The following PAX5 variants were observed in gnomAD, a reference collection of about 807,000 sequenced individuals.
PAX5 encodes paired box protein Pax-5.
PAX5 carries 9 observed loss-of-function variants against 43.7 expected under a neutral mutation model. The observed-to-expected ratio is 0.21, with a 90% CI of 0.12 to 0.36. The LOEUF (loss-of-function observed/expected upper bound fraction) is 0.36, where lower values mean the gene tolerates loss of function less well. Ranked by LOEUF, PAX5 falls within the 10% of genes least tolerant of loss-of-function variation. The pLI is 1.00. For missense variants in PAX5, 383 were observed against 532.7 expected (o/e 0.72, Z 2.77); for synonymous variants, 228 against 214.3 (o/e 1.06, Z -0.56).
rs374281473 is a variant in PAX5 at position 36,896,366 on chromosome 9, C to T, written c.911-14261G>A. Among the ~76,000 whole-genome samples, 14 of 151,924 alleles carry T rather than the reference C, an allele frequency of 9.2e-5. No homozygotes were observed. The South Asian group carries it at 2.5e-3, about 27-fold the overall frequency. On this transcript the variant is annotated intron_variant, in intron 7 of 9. Transcript: ENST00000358127. The stretch of plus-strand genomic sequence containing the variant: ...TGATATTTTGTAACGCCAGCTCCTA[C>T]ACCTCCAATTATTTCCTCAAACCAA...
intron 8 of PAX5, among the ~76,000 whole-genome samples, chr9:36,869,930 GGATGGATA>G (rs1825297901): frequency 2.1e-5 from 3 of 143,138 alleles, no homozygotes; most frequent in Non-Finnish European, 3.0e-5. Context: ...ATGGATGGAT[GGATGGATA>G]AATGGATGGA....
intron 9 of PAX5, among the ~76,000 whole-genome samples, chr9:36,842,776 G>C (rs62533248): frequency 0.14 from 20,609 of 152,062 alleles, 1,481 homozygotes; most frequent in South Asian, 0.17. Context: ...TCTTCCTGCC[G>C]GGACCGCAGC....
At chr9:36,905,251 G>A (rs556520834) in intron 7 of PAX5, among the ~76,000 whole-genome samples, 5 of 152,330 alleles carry the variant, frequency 3.3e-5, no homozygotes, top group South Asian at 2.1e-4. Flanking sequence ...CAAGGTGGCC[G>A]GCTCTCCATG....
chr9:36,850,088 C>T (rs932829653), intron 8 of PAX5, among the ~76,000 whole-genome samples: 14 of 152,284 alleles, frequency 9.2e-5, no homozygotes, highest in East Asian at 1.9e-4. Context: ...CAGAGAGAGG[C>T]GGGCATTCCA....
chr9:37,013,118 T>A (rs1341616830), intron 3 of PAX5, among the ~76,000 whole-genome samples: 1 of 151,872 alleles, frequency 6.6e-6, no homozygotes, highest in Non-Finnish European at 1.5e-5. Context: ...AATATAGAGA[T>A]TTCACATACA....
chr9:36,991,274 C>G (rs1836915854), intron 5 of PAX5, among the ~76,000 whole-genome samples: 1 of 152,118 alleles, frequency 6.6e-6, no homozygotes, highest in Non-Finnish European at 1.5e-5. Flanking sequence ...GTGACCTACC[C>G]AAGGTCACAT....
chr9:36,995,597 G>C (rs111894509), intron 5 of PAX5, among the ~76,000 whole-genome samples: 2 of 152,292 alleles, frequency 1.3e-5, no homozygotes, highest in Admixed American at 1.3e-4. Flanking sequence ...TTATCACATC[G>C]AAAGGCAAGG....
chr9:36,855,909 G>A (rs1004841786), intron 8 of PAX5, among the ~76,000 whole-genome samples: 1 of 152,168 alleles, frequency 6.6e-6, no homozygotes, highest in African/African-American at 2.4e-5. Flanking sequence ...ACCTCCTCCA[G>A]GAAGGCTTTC....
rs1822615506 is a variant in PAX5 at position 36,846,740 on chromosome 9, C to A, written c.1099+103G>T. ...GTCTGGGCAAGCTACCCACCCACCT[C>A]AGTGACCAGACCTCAGGATGTCGAG... On this transcript the variant is annotated intron_variant, in intron 9 of 9. Coordinates refer to ENST00000358127, the MANE Select transcript of PAX5 (RefSeq NM_016734.3). 4.0e-6 allele frequency: 3 copies of A among 746,952 alleles called. No homozygotes were observed. The Admixed American group carries it at 7.3e-5, about 18-fold the overall frequency. 46.3% of individuals were successfully genotyped at this position (746,952 alleles called of 1,614,324 possible). A position where few individuals can be genotyped will look rare whatever the true frequency, so the allele number is the denominator to read the frequency against.
chr9:36,911,523 C>T (rs1374064641), intron 7 of PAX5, among the ~76,000 whole-genome samples: 2 of 152,140 alleles, frequency 1.3e-5, no homozygotes, highest in Non-Finnish European at 2.9e-5. Flanking sequence ...GCCCCGTGGC[C>T]GACACTCAGT....
chr9:37,009,898 A>G (rs1403372572), intron 3 of PAX5, among the ~76,000 whole-genome samples: 1 of 152,112 alleles, frequency 6.6e-6, no homozygotes, highest in Admixed American at 6.6e-5. Context: ...GAAGGTAGCC[A>G]CTCTCACACT....
intron 6 of PAX5, among the ~76,000 whole-genome samples, chr9:36,937,649 C>T (rs12000907): frequency 1.1e-3 from 162 of 152,306 alleles, no homozygotes; most frequent in African/African-American, 3.2e-3. Flanking sequence ...ATGCTTTCCC[C>T]GCCGGGCGCC....
Position 36,882,386 on chromosome 9 carries a change from C to T in PAX5, c.911-281G>A, listed in dbSNP as rs1826521881. On this transcript the variant is annotated intron_variant, in intron 7 of 9. Transcript: ENST00000358127. The surrounding 1 kb of genome is among the most constrained non-coding windows in gnomAD (Gnocchi z 4.4). ...GTTCCTGGGAAATCAGAACCCCCTG[C>T]TTGGGGAGGCTAGGCAATGCAGGTG... 1.3e-5 allele frequency among the ~76,000 whole-genome samples: 2 copies of T among 152,146 alleles called. No homozygotes were observed. The highest frequency in any genetic ancestry group is 1.3e-4 in the Admixed American group (2 of 15,276).
chr9:37,026,666 C>G, intron 1 of PAX5: 1 of 1,343,236 alleles, frequency 7.4e-7, no homozygotes, highest in Non-Finnish European at 9.8e-7. Context: ...GCCACCAGGC[C>G]AGGCACTGTG....
At chr9:36,963,973 G>T (rs1250862135) in intron 6 of PAX5, among the ~76,000 whole-genome samples, 1 of 152,172 alleles carries the variant, frequency 6.6e-6, no homozygotes, top group Non-Finnish European at 1.5e-5. Flanking sequence ...ACATGATCTT[G>T]TCAGCCATTA....
chr9:37,013,897 A>G (rs542080724), intron 3 of PAX5, among the ~76,000 whole-genome samples: 6 of 152,344 alleles, frequency 3.9e-5, no homozygotes, highest in Non-Finnish European at 7.4e-5. Flanking sequence ...GTGCATTTGA[A>G]TCATCACAGA....
At chr9:36,901,228 C>A (rs997851620) in intron 7 of PAX5, among the ~76,000 whole-genome samples, 5 of 150,282 alleles carry the variant, frequency 3.3e-5, no homozygotes, top group Non-Finnish European at 7.4e-5. Context: ...GGGACCTGGG[C>A]CCTCCCTCAT....
At chr9:36,896,934 C>A (rs1335190650) in intron 7 of PAX5, among the ~76,000 whole-genome samples, 2 of 152,316 alleles carry the variant, frequency 1.3e-5, no homozygotes, top group East Asian at 1.9e-4. Flanking sequence ...AAGGGTCCTG[C>A]GCAAGCTCTC....
At chr9:36,999,198 C>T (rs1837644845) in intron 5 of PAX5, among the ~76,000 whole-genome samples, 1 of 152,190 alleles carries the variant, frequency 6.6e-6, no homozygotes, top group South Asian at 2.1e-4. Context: ...CAAATCCTGC[C>T]GTGCTGGTCC....
Sources: allele counts gnomAD v4.1 joint callset (sites outside exome capture counted in the v4.1 genomes callset), GRCh38; gene constraint gnomAD v4.1.1; non-coding constraint Gnocchi (gnomAD v3.1); transcripts MANE v1.5; gene names NCBI Gene and HGNC (gene_info 2026-07-23, HGNC 2026-07-21).